The following DSG3 variants were observed in gnomAD, a reference collection of about 807,000 sequenced individuals.
DSG3 encodes desmoglein-3.
A neutral mutation model predicts 85.9 loss-of-function variants in DSG3; 63 were observed. That is an observed-to-expected ratio of 0.73 (90% CI 0.60 to 0.90). The LOEUF is 0.90. Among genes scored for constraint, DSG3 ranks in the 40% least tolerant of loss-of-function variants. DSG3 has a pLI of 0.00. For missense variants in DSG3, 1,220 were observed against 1,219.9 expected, an observed-to-expected ratio of 1.00 and a Z score of 0.00; for synonymous variants, 447 against 441.9, an observed-to-expected ratio of 1.01 and a Z score of -0.14.
At chr18:31,460,536 A>G (rs1055859070) in intron 6 of DSG3, among the ~76,000 whole-genome samples, 21 of 152,096 alleles carry the variant, frequency 1.4e-4, no homozygotes, top group Non-Finnish European at 2.6e-4. Context: ...TTTTTGTACA[A>G]ATGGCTTTCC....
In DSG3 at chr18:31,476,323, A is replaced by G; in HGVS notation, c.*63A>G. On this transcript the variant is annotated 3_prime_UTR_variant, in exon 16 of 16. Transcript: ENST00000257189. ...ATCTTTGGACTAAAGTATTCAAAAT[A>G]GCATAGCAAAGCTCACTGTATTGGG... 1.3e-6 allele frequency: 2 copies of G among 1,525,598 alleles called. No homozygotes were observed. The highest frequency in any genetic ancestry group is 1.3e-5 in the South Asian group (1 of 76,554). The allele number at this position is 1,525,598 out of a possible 1,614,324, so 94.5% of individuals were successfully genotyped here. A position where few individuals can be genotyped will look rare whatever the true frequency, so the allele number is the denominator to read the frequency against.
chr18:31,458,095 T>G (rs1283387799), intron 3 of DSG3, among the ~76,000 whole-genome samples: 1 of 152,206 alleles, frequency 6.6e-6, no homozygotes, highest in Non-Finnish European at 1.5e-5. Flanking sequence ...AATAAATATC[T>G]TTTGTTTTTT....
Position 31,461,309 on chromosome 18 carries a change from A to T in DSG3, c.896A>T (p.Asp299Val). The T allele has an allele frequency of 1.2e-6, 2 of 1,613,624 alleles. No individual in the cohort carries two copies. Among genetic ancestry groups the T allele is most frequent in the Non-Finnish European group, 1.7e-6 (2 of 1,179,672 alleles). Residue 299 changes from aspartate to valine, a missense_variant, in exon 8 of 16, where the codon GAT (aspartate) becomes GTT (valine). Transcript: ENST00000257189. ...ACAGATTTGGATGAAGAGTACACAG[A>T]TAATTGGCTTGCAGTATATTTCTTT... ...QVTDLDEEYT[D>V]NWLAVYFFTS...
Position 31,476,233 on chromosome 18 carries a change from A to G in DSG3, c.2973A>G (p.Thr991=), listed in dbSNP as rs1029604289. ...QLRGSHTMLC[T]EDPCSRLI ...GAGGGTCACATACTATGCTCTGTAC[A>G]GAGGATCCTTGCTCCCGTCTAATAT... The change falls in exon 16 of 16, where the codon ACA becomes ACG. Residue 991 remains threonine (T), a synonymous_variant. Coordinates refer to ENST00000257189, the MANE Select transcript of DSG3 (RefSeq NM_001944.3). 44 of 1,612,722 alleles carry G rather than the reference A, an allele frequency of 2.7e-5. No homozygotes were observed. Among genetic ancestry groups the G allele is most frequent in the Non-Finnish European group, 3.7e-5 (44 of 1,179,136 alleles).
In DSG3 at chr18:31,463,800, A is replaced by T. The variant is rs79573901; in HGVS notation, c.1000-311A>T. Among the ~76,000 whole-genome samples the T allele has an allele frequency of 9.7e-3, 1,482 of 152,292 alleles. 19 individuals are homozygous for T. Among genetic ancestry groups the T allele is most frequent in the African/African-American group, 0.031 (1,308 of 41,562 alleles). On this transcript the variant is annotated intron_variant, in intron 8 of 15. Coordinates refer to ENST00000257189, the MANE Select transcript of DSG3 (RefSeq NM_001944.3). The stretch of plus-strand genomic sequence containing the variant: ...GAGTCACACAGCTATTAAGCAGCAG[A>T]ACCAGGATTCAAATCATGTTACCAT...
rs2072896620 is a variant in DSG3 at position 31,477,518 on chromosome 18, A to T, written c.*1258A>T. ...TATGTATTATAAGCAGCATTCCAGA[A>T]AAGTAGTTGGTGAAATAATTTTCAA... On this transcript the variant is annotated 3_prime_UTR_variant, in exon 16 of 16. Transcript: ENST00000257189. The T allele has an allele frequency of 6.6e-6, 1 of 152,252 alleles. No individual in the cohort carries two copies. The highest frequency in any genetic ancestry group is 1.5e-5 in the Non-Finnish European group (1 of 68,050). The allele number at this position is 152,252 out of a possible 1,614,324, so 9.4% of individuals were successfully genotyped here.
chr18:31,447,863 G>A lies in DSG3; in HGVS notation c.-15G>A, dbSNP rs1598771418. 6.3e-7 allele frequency: 1 copy of A among 1,589,264 alleles called. No individual in the cohort carries two copies. The highest frequency in any genetic ancestry group is 2.4e-5 in the East Asian group (1 of 42,406). ...GCGGCTCACTTGGACTTTTTCACCA[G>A]GGAAATCAGAGACAATGATGGGGCT... On this transcript the variant is annotated 5_prime_UTR_variant, in exon 1 of 16. Coordinates refer to ENST00000257189, the MANE Select transcript of DSG3 (RefSeq NM_001944.3).
intron 1 of DSG3, among the ~76,000 whole-genome samples, chr18:31,449,951 G>A (rs1412936830): frequency 6.6e-6 from 1 of 152,140 alleles, no homozygotes; most frequent in East Asian, 1.9e-4. Flanking sequence ...ACAAAAGAAT[G>A]TAAAATATGT....
intron 3 of DSG3, among the ~76,000 whole-genome samples, chr18:31,457,547 CTCTT>C (rs757274745): frequency 0.039 from 4,786 of 121,620 alleles, 237 homozygotes; most frequent in African/African-American, 0.046. Flanking sequence ...TTCTTTCTTT[CTCTT>C]TCTTTCTTTC....
chr18:31,457,125 G>A lies in DSG3; in HGVS notation c.216+1G>A, dbSNP rs112656001. 1 of 1,611,206 alleles carries A rather than the reference G, an allele frequency of 6.2e-7. No homozygotes were observed. The highest frequency in any genetic ancestry group is 1.3e-5 in the African/African-American group (1 of 74,676). ...CTCAAAAAGAAACCCAATTGCCAAGGTAAGTTATATCAACAGGAGCGTATG... is the reference window on the plus strand; with the variant it reads ...CTCAAAAAGAAACCCAATTGCCAAGATAAGTTATATCAACAGGAGCGTATG... On this transcript the variant is annotated splice_donor_variant, in intron 3 of 15. Coordinates refer to ENST00000257189, the MANE Select transcript of DSG3 (RefSeq NM_001944.3). LOFTEE classifies it high-confidence loss of function.
chr18:31,455,955 G>A (rs2072739260), intron 1 of DSG3, among the ~76,000 whole-genome samples: 2 of 152,182 alleles, frequency 1.3e-5, no homozygotes, highest in African/African-American at 4.8e-5. Flanking sequence ...TAAAGAAAAT[G>A]TTCTGTAATT....
At chr18:31,454,686 T>TTTC (rs1555665982) in intron 1 of DSG3, among the ~76,000 whole-genome samples, 1,800 of 151,680 alleles carry the variant, frequency 0.012, 19 homozygotes, top group Middle Eastern at 0.017. Flanking sequence ...TTTTTTTTTT[T>TTTC]TCTCTTTATG....
chr18:31,465,420 T>G lies in DSG3; in HGVS notation c.1374T>G (p.Val458=). The G allele has an allele frequency of 6.5e-7, 1 of 1,537,500 alleles. No individual in the cohort carries two copies. The highest frequency in any genetic ancestry group is 1.4e-5 in the South Asian group (1 of 73,900). Residue 458 remains valine, a synonymous_variant, in exon 10 of 16, where the codon GTT becomes GTG. Transcript: ENST00000257189. ...TGAACCGAGATTCTACTTTCATAGT[T>G]AACAAAACAATCACAGCTGAGGTTC... ...KNMNRDSTFI[V]NKTITAEVLA...
chr18:31,458,619 C>A lies in DSG3; in HGVS notation c.372+19C>A. Reference sequence around the variant, plus strand: ...CTTCCTGGTAAGTTTGGGTCCTCAACATTGGGCTACCCTTCTCCTTGTATA... The same window carrying A: ...CTTCCTGGTAAGTTTGGGTCCTCAAAATTGGGCTACCCTTCTCCTTGTATA... On this transcript the variant is annotated intron_variant, in intron 4 of 15. Coordinates refer to ENST00000257189, the MANE Select transcript of DSG3 (RefSeq NM_001944.3). The A allele has an allele frequency of 1.2e-6, 2 of 1,607,404 alleles. No homozygotes were observed. Among genetic ancestry groups the A allele is most frequent in the Non-Finnish European group, 1.7e-6 (2 of 1,176,596 alleles).
intron 8 of DSG3, among the ~76,000 whole-genome samples, chr18:31,462,101 C>G (rs1329231870): frequency 6.8e-6 from 1 of 147,980 alleles, no homozygotes; most frequent in Non-Finnish European, 1.5e-5. Flanking sequence ...GAGACAAGGT[C>G]TCACTCTGTC....
At chr18:31,454,952 C>T (rs1270875919) in intron 1 of DSG3, among the ~76,000 whole-genome samples, 1 of 150,446 alleles carries the variant, frequency 6.6e-6, no homozygotes, top group Non-Finnish European at 1.5e-5. Context: ...GAGTCAAGAT[C>T]GCACCATTGC....
intron 12 of DSG3, among the ~76,000 whole-genome samples, chr18:31,470,098 T>C (rs1332789429): frequency 1.3e-5 from 2 of 152,126 alleles, no homozygotes; most frequent in Non-Finnish European, 2.9e-5. Flanking sequence ...TGAATCAAAA[T>C]CATATAAATC....
chr18:31,459,832 C>A lies in DSG3; in HGVS notation c.518-13C>A, dbSNP rs570386019. The A allele has an allele frequency of 3.1e-6, 5 of 1,593,308 alleles. No homozygotes were observed. In the South Asian group the frequency reaches 5.7e-5, roughly 18 times the overall value. ...TTACATATTCTTTAATAAACGTTTT[C>A]CTGTATTCCTAGACTCACTGGTGAT... On this transcript the variant is annotated splice_polypyrimidine_tract_variant and intron_variant, in intron 5 of 15. Transcript: ENST00000257189.
chr18:31,448,973 C>CCAACTTCTGCCTCTGGGGTT (rs2072695209), intron 1 of DSG3, among the ~76,000 whole-genome samples: 1 of 152,088 alleles, frequency 6.6e-6, no homozygotes, highest in Non-Finnish European at 1.5e-5. Flanking sequence ...GGTGCGATCT[C>CCAACTTCTGCCTCTGGGGTT]CAACTTCTGC....
Sources: gnomAD v4.1 joint callset for allele counts (sites outside exome capture counted in the v4.1 genomes callset) on GRCh38, gnomAD v4.1.1 for gene constraint, MANE v1.5 for transcripts, NCBI Gene and HGNC (gene_info 2026-07-23, HGNC 2026-07-21) for gene names.